OSMR: variants seen among roughly 807,000 people sequenced by gnomAD.
OSMR encodes the protein oncostatin-M-specific receptor subunit beta.
A neutral mutation model predicts 99.9 loss-of-function variants in OSMR; 81 were observed. That is an observed-to-expected ratio of 0.81 (90% CI 0.68 to 0.97). The LOEUF (loss-of-function observed/expected upper bound fraction) is 0.97. Ranked by LOEUF, OSMR falls within the 50% of genes least tolerant of loss-of-function variation. The probability of loss-of-function intolerance (pLI) is 0.00; values close to 1 mark genes in which losing one functional copy is unlikely to be tolerated. For synonymous variants in OSMR, 406 were observed against 410.4 expected (o/e 0.99, Z 0.13); for missense variants, 1,099 against 1,153.4 (o/e 0.95, Z 0.68).
At chr5:38,897,336 G>T (rs1324191380) in intron 7 of OSMR, among the ~76,000 whole-genome samples, 2 of 151,954 alleles carry the variant, frequency 1.3e-5, no homozygotes, top group Admixed American at 6.6e-5. Flanking sequence ...CTTGTTTTTG[G>T]TCTGTTCAGG....
At chr5:38,942,632 A>C (rs1233537955) in intron 1 of OSMR, among the ~76,000 whole-genome samples, 3 of 151,434 alleles carry the variant, frequency 2.0e-5, no homozygotes, top group Non-Finnish European at 4.4e-5. Context: ...AAAAAAAAAA[A>C]AACTGTGTTG....
rs1228230508 is a variant in OSMR at position 38,925,341 on chromosome 5, T to C, written c.2182T>C (p.Phe728Leu). The C allele has an allele frequency of 6.2e-7, 1 of 1,614,106 alleles. No homozygotes were observed. Among genetic ancestry groups the C allele is most frequent in the East Asian group, 2.2e-5 (1 of 44,868 alleles). Residue 728 changes from phenylalanine (F) to leucine (L), a missense_variant, in exon 15 of 18, where the codon TTC (phenylalanine) becomes CTC (leucine). Coordinates refer to ENST00000274276, the MANE Select transcript of OSMR (RefSeq NM_003999.3). Reference sequence around the variant, plus strand: ...TGCTGGTGAAGGCCCCAGTGCTACGTTCACGAAGGTCACGACTCCGGATGA... The same window carrying C: ...TGCTGGTGAAGGCCCCAGTGCTACGCTCACGAAGGTCACGACTCCGGATGA... The part of the protein sequence containing the change: ...TSAGEGPSAT[F>L]TKVTTPDEHS...
At chr5:38,944,791 TA>T in intron 2 of OSMR, 1 of 1,024,360 alleles carries the variant, frequency 9.8e-7, no homozygotes, top group Non-Finnish European at 1.5e-6. Flanking sequence ...ATTGCTTCAC[TA>T]AAATGGACGT....
intron 9 of OSMR, among the ~76,000 whole-genome samples, chr5:38,914,076 A>G (rs992358045): frequency 6.6e-6 from 1 of 152,210 alleles, no homozygotes; most frequent in African/African-American, 2.4e-5. Flanking sequence ...TGATGCAGGG[A>G]ATATATTCCA....
downstream of OSMR, chr5:38,938,241 T>C (rs10315): frequency 4.4e-6 from 1 of 226,130 alleles, no homozygotes. Context: ...TATTACTAAA[T>C]AAAAAAGAAG....
intron 9 of OSMR, among the ~76,000 whole-genome samples, chr5:38,916,791 T>G (rs1745921725): frequency 6.6e-6 from 1 of 152,144 alleles, no homozygotes; most frequent in Admixed American, 6.5e-5. Flanking sequence ...TGAGTTCCTT[T>G]GAAGTTCGGT....
At chr5:38,908,190 G>A (rs1157216375) in intron 9 of OSMR, among the ~76,000 whole-genome samples, 1 of 152,168 alleles carries the variant, frequency 6.6e-6, no homozygotes. Flanking sequence ...CAATGTGAAT[G>A]CATGCATGGA....
At chr5:38,894,419 C>G (rs1046966778) in intron 7 of OSMR, among the ~76,000 whole-genome samples, 17 of 151,740 alleles carry the variant, frequency 1.1e-4, no homozygotes, top group Admixed American at 1.1e-3. Flanking sequence ...AAAGAAAAAA[C>G]AAGACCAATC....
At chr5:38,921,407 T>G in intron 11 of OSMR, 1 of 838,084 alleles carries the variant, frequency 1.2e-6, no homozygotes, top group Non-Finnish European at 1.4e-6. Context: ...GATGGGCATC[T>G]GAAGGGCAGG....
intron 1 of OSMR, among the ~76,000 whole-genome samples, chr5:38,861,660 G>A (rs543631504): frequency 1.9e-4 from 29 of 152,158 alleles, no homozygotes; most frequent in Admixed American, 1.4e-3. Context: ...GGTGGTGGCC[G>A]GGCAGAGGGG....
intron 1 of OSMR, among the ~76,000 whole-genome samples, chr5:38,865,167 G>A (rs1215532944): frequency 6.6e-6 from 1 of 152,080 alleles, no homozygotes; most frequent in Non-Finnish European, 1.5e-5. Flanking sequence ...AATTGTTTAT[G>A]TTCTATTGTA....
chr5:38,895,745 G>A (rs1279069931), intron 7 of OSMR, among the ~76,000 whole-genome samples: 4 of 151,902 alleles, frequency 2.6e-5, no homozygotes, highest in Admixed American at 2.6e-4. Flanking sequence ...GTCTCGGAGA[G>A]TTTCCCCAAT....
intron 9 of OSMR, among the ~76,000 whole-genome samples, chr5:38,904,918 G>T (rs542700424): frequency 6.6e-6 from 1 of 152,244 alleles, no homozygotes; most frequent in East Asian, 1.9e-4. Context: ...AACCTTAATG[G>T]TTATTTGTGA....
intron 1 of OSMR, among the ~76,000 whole-genome samples, chr5:38,856,464 A>G (rs781136050): frequency 2.6e-5 from 4 of 152,172 alleles, no homozygotes; most frequent in Admixed American, 6.5e-5. Context: ...GGAAATAATA[A>G]TCACTTTGCT....
Position 38,933,672 on chromosome 5 carries a change from C to A in OSMR, c.*228C>A, listed in dbSNP as rs1212282402. The A allele has an allele frequency of 3.5e-6, 2 of 566,690 alleles. No individual in the cohort carries two copies. The highest frequency in any genetic ancestry group is 6.0e-5 in the East Asian group (2 of 33,136). The allele number at this position is 566,690 out of a possible 1,614,324, so 35.1% of individuals were successfully genotyped here. ...CGGCAGGATCATGGGAGCATGCTTA[C>A]CTTCTGCTGTTTGTTCCAGGCTCAC... On this transcript the variant is annotated 3_prime_UTR_variant, in exon 18 of 18. Coordinates refer to ENST00000274276, the MANE Select transcript of OSMR (RefSeq NM_003999.3).
downstream of OSMR, chr5:38,939,335 T>TAC (rs1747282074): frequency 4.3e-6 from 1 of 232,462 alleles, no homozygotes. Context: ...AAAGGACTTG[T>TAC]ACACATTATG....
At chr5:38,847,090 T>C (rs535474508) in intron 1 of OSMR, among the ~76,000 whole-genome samples, 1 of 152,194 alleles carries the variant, frequency 6.6e-6, no homozygotes, top group Admixed American at 6.5e-5. Context: ...GAGAAGTAAA[T>C]GGAAGGGTCT....
At chr5:38,940,069 C>A (rs79063860), downstream of OSMR, 4,265 of 219,368 alleles carry the variant, frequency 0.019, 72 homozygotes, top group Non-Finnish European at 0.027. Context: ...GAGTATCTCC[C>A]CAAAGTAAGT....
intron 6 of OSMR, 139 bp downstream of exon 6, chr5:38,885,623 AC>A: frequency 8.5e-7 from 1 of 1,178,262 alleles, no homozygotes; most frequent in Non-Finnish European, 1.3e-6. Context: ...TCAAGAGGAA[AC>A]CTTTAAGTGG....
Sources: gnomAD v4.1 joint callset for allele counts (sites outside exome capture counted in the v4.1 genomes callset) on GRCh38, gnomAD v4.1.1 for gene constraint, MANE v1.5 for transcripts, NCBI Gene and HGNC (gene_info 2026-07-23, HGNC 2026-07-21) for gene names.